TBC1D9: variants seen among roughly 807,000 people sequenced by gnomAD.
TBC1D9 encodes the protein TBC1 domain family member 9.
In TBC1D9, 63 loss-of-function variants were observed where a neutral mutation model predicts 132.0. That is an observed-to-expected ratio of 0.48 (90% CI 0.39 to 0.59). The LOEUF is 0.59. Among genes scored for constraint, TBC1D9 ranks in the 20% least tolerant of loss-of-function variants. The pLI is 0.00. For synonymous variants in TBC1D9, 610 were observed against 609.9 expected, an observed-to-expected ratio of 1.00 and a Z score of 0.00; for missense variants, 1,261 against 1,592.7, an observed-to-expected ratio of 0.79 and a Z score of 3.54.
At chr4:140,748,129 G>T (rs182947675) in intron 1 of TBC1D9, among the ~76,000 whole-genome samples, 2 of 151,952 alleles carry the variant, frequency 1.3e-5, no homozygotes, top group Admixed American at 6.5e-5. Context: ...GTTAATTGAG[G>T]CCTTACAAGA....
At chr4:140,652,507 T>C (rs946562085) in intron 13 of TBC1D9, among the ~76,000 whole-genome samples, 1 of 152,198 alleles carries the variant, frequency 6.6e-6, no homozygotes, top group African/African-American at 2.4e-5. Context: ...ACTGGACCAG[T>C]TGACCTCATG....
chr4:140,741,867 C>T (rs1738763569), intron 1 of TBC1D9, among the ~76,000 whole-genome samples: 1 of 152,190 alleles, frequency 6.6e-6, no homozygotes, highest in South Asian at 2.1e-4. Context: ...AGTCTTTAGA[C>T]AATAACTTAA....
intron 2 of TBC1D9, among the ~76,000 whole-genome samples, chr4:140,700,123 A>G (rs1738041571): frequency 6.6e-6 from 1 of 151,770 alleles, no homozygotes; most frequent in Non-Finnish European, 1.5e-5. Context: ...ACAGAGAGAC[A>G]CCATCTCTAC....
At chr4:140,659,778 C>T in intron 10 of TBC1D9, 73 bp from the exon 11 acceptor site, 1 of 1,031,832 alleles carries the variant, frequency 9.7e-7, no homozygotes, top group Non-Finnish European at 1.4e-6. Context: ...ATTAAAATTA[C>T]TCAGTTATTC....
At chr4:140,733,626 A>T (rs1324134791) in intron 1 of TBC1D9, among the ~76,000 whole-genome samples, 1 of 152,200 alleles carries the variant, frequency 6.6e-6, no homozygotes. Context: ...GCCTCCAGAT[A>T]TCTGTTAAGT....
At chr4:140,667,943 A>T (rs1314469341) in intron 9 of TBC1D9, among the ~76,000 whole-genome samples, 2 of 152,166 alleles carry the variant, frequency 1.3e-5, no homozygotes, top group African/African-American at 4.8e-5. Context: ...GTGAGTCGTA[A>T]TTATTAATTT....
At chr4:140,723,561 T>C (rs1364482364) in intron 1 of TBC1D9, among the ~76,000 whole-genome samples, 3 of 152,166 alleles carry the variant, frequency 2.0e-5, no homozygotes, top group African/African-American at 7.2e-5. Flanking sequence ...CTCAAACTCC[T>C]GACCTCAAGT....
chr4:140,664,234 T>A (rs903364662), intron 9 of TBC1D9, among the ~76,000 whole-genome samples: 1 of 152,130 alleles, frequency 6.6e-6, no homozygotes, highest in Non-Finnish European at 1.5e-5. Flanking sequence ...AATGAGTTCA[T>A]GAAGGCTGCA....
chr4:140,734,534 A>G (rs760667637), intron 1 of TBC1D9, among the ~76,000 whole-genome samples: 18 of 152,186 alleles, frequency 1.2e-4, no homozygotes, highest in African/African-American at 3.6e-4. Flanking sequence ...GCTCACTCCT[A>G]TAATCCCAGT....
chr4:140,712,066 C>T (rs1254925541), intron 1 of TBC1D9: 1 of 152,022 alleles, frequency 6.6e-6, no homozygotes, highest in Non-Finnish European at 1.5e-5. Context: ...AGACAGTTAC[C>T]ATGGTTATAC....
chr4:140,747,452 T>A (rs916583706), intron 1 of TBC1D9, among the ~76,000 whole-genome samples: 1 of 152,208 alleles, frequency 6.6e-6, no homozygotes, highest in Non-Finnish European at 1.5e-5. Context: ...TAGTTTCCTT[T>A]TCTACATACT....
At chr4:140,671,065 C>T (rs1578833758) in intron 6 of TBC1D9, 139 bp from the exon 7 acceptor site, 2 of 651,474 alleles carry the variant, frequency 3.1e-6, no homozygotes, top group Non-Finnish European at 5.3e-6. Flanking sequence ...AAAACTGAGA[C>T]TCTTTGACTC....
intron 1 of TBC1D9, among the ~76,000 whole-genome samples, chr4:140,752,905 TG>T (rs1388695919): frequency 6.6e-6 from 1 of 152,222 alleles, no homozygotes; most frequent in Admixed American, 6.5e-5. Flanking sequence ...CCTACTCATC[TG>T]TCATCTATTT....
chr4:140,638,389 T>C (rs1736912521), intron 15 of TBC1D9, among the ~76,000 whole-genome samples: 1 of 151,640 alleles, frequency 6.6e-6, no homozygotes, highest in Admixed American at 6.6e-5. Flanking sequence ...GAATCAAGAT[T>C]GGGGCCAGGT....
chr4:140,671,674 C>CTGTGTGTGTGTGTGTGTGTGTG (rs34072180), intron 6 of TBC1D9, among the ~76,000 whole-genome samples: 159 of 141,820 alleles, frequency 1.1e-3, no homozygotes, highest in African/African-American at 4.0e-3. Flanking sequence ...AACTACCAGA[C>CTGTGTGTGTGTGTGTGTGTGTG]TGTGTGTGTG....
At chr4:140,650,878 C>CTA (rs1331024621) in intron 13 of TBC1D9, among the ~76,000 whole-genome samples, 1 of 152,138 alleles carries the variant, frequency 6.6e-6, no homozygotes, top group Admixed American at 6.5e-5. Flanking sequence ...AGTTCAGCCT[C>CTA]TATAAAGGAG....
At chr4:140,649,789 G>A (rs1187945647) in intron 13 of TBC1D9, among the ~76,000 whole-genome samples, 1 of 152,150 alleles carries the variant, frequency 6.6e-6, no homozygotes, top group Non-Finnish European at 1.5e-5. Context: ...ATGAATTCAG[G>A]GAAGAAAACT....
chr4:140,695,905 A>C (rs571228626), intron 2 of TBC1D9, among the ~76,000 whole-genome samples: 3 of 152,222 alleles, frequency 2.0e-5, no homozygotes, highest in Non-Finnish European at 2.9e-5. Flanking sequence ...ACAGTAAATC[A>C]GCTCAACAAA....
chr4:140,753,823 T>C (rs879323520), intron 1 of TBC1D9, among the ~76,000 whole-genome samples: 6 of 152,218 alleles, frequency 3.9e-5, no homozygotes, highest in African/African-American at 1.4e-4. Flanking sequence ...TTTAGTGAGT[T>C]AGTGAATGAA....
Sources: gnomAD v4.1 joint callset for allele counts (sites outside exome capture counted in the v4.1 genomes callset) on GRCh38, gnomAD v4.1.1 for gene constraint, MANE v1.5 for transcripts, NCBI Gene and HGNC (gene_info 2026-07-23, HGNC 2026-07-21) for gene names.